TAF3: variants seen among roughly 807,000 people sequenced by gnomAD.
TAF3 encodes the protein transcription initiation factor TFIID subunit 3.
TAF3 carries 7 observed loss-of-function variants against 80.6 expected under a neutral mutation model. The ratio of observed to expected loss-of-function variants is 0.09; its 90% CI spans 0.05 to 0.16. The LOEUF (loss-of-function observed/expected upper bound fraction) is 0.16, where lower values mean the gene tolerates loss of function less well. TAF3 is among the 10% of genes least tolerant of loss of function. TAF3 has a pLI of 1.00. For synonymous variants in TAF3, 444 were observed against 446.1 expected, an observed-to-expected ratio of 1.00 and a Z score of 0.06; for missense variants, 921 against 1,140.2, an observed-to-expected ratio of 0.81 and a Z score of 2.77.
intron 4 of TAF3, among the ~76,000 whole-genome samples, chr10:8,006,185 C>T (rs1397484452): frequency 0.012 from 489 of 40,562 alleles, 3 homozygotes; most frequent in African/African-American, 0.03. Context: ...AAAATACACA[C>T]ACACACACAC....
chr10:8,014,573 A>T (rs1007930019), intron 6 of TAF3, 64 bp from the exon 7 acceptor site: 133 of 1,402,522 alleles, frequency 9.5e-5, no homozygotes, highest in Non-Finnish European at 1.2e-4. Context: ...ACTTTAAAAC[A>T]TGGAAGGGAG....
chr10:7,940,467 A>C (rs908839456), intron 2 of TAF3, among the ~76,000 whole-genome samples: 1 of 152,260 alleles, frequency 6.6e-6, no homozygotes, highest in Admixed American at 6.5e-5. Context: ...TGATAAGCTT[A>C]TAGTTTCCTA....
intron 4 of TAF3, among the ~76,000 whole-genome samples, chr10:7,987,255 A>G (rs114969674): frequency 6.6e-6 from 1 of 152,270 alleles, no homozygotes; most frequent in African/African-American, 2.4e-5. Context: ...AATCGAGGCT[A>G]CAGTGAGTCG....
intron 2 of TAF3, among the ~76,000 whole-genome samples, chr10:7,881,148 A>C (rs1313689184): frequency 6.6e-6 from 1 of 151,640 alleles, no homozygotes; most frequent in East Asian, 1.9e-4. Context: ...AGGCAGGAGG[A>C]TCACTTGAGT....
At chr10:7,861,915 C>T (rs886528029) in intron 2 of TAF3, among the ~76,000 whole-genome samples, 14 of 152,114 alleles carry the variant, frequency 9.2e-5, no homozygotes, top group Non-Finnish European at 1.3e-4. Flanking sequence ...CCTTCTGAGA[C>T]GCCAATTAAA....
intron 2 of TAF3, among the ~76,000 whole-genome samples, chr10:7,951,044 C>T (rs1838077391): frequency 6.6e-6 from 1 of 152,146 alleles, no homozygotes; most frequent in Admixed American, 6.5e-5. Context: ...TAAGCAGAAG[C>T]ACATGTAAAA....
intron 2 of TAF3, among the ~76,000 whole-genome samples, chr10:7,911,991 C>G (rs1284020100): frequency 6.6e-6 from 1 of 152,164 alleles, no homozygotes; most frequent in Admixed American, 6.5e-5. Flanking sequence ...GAGTCATATG[C>G]ACTTTCGGAT....
chr10:7,876,216 G>A (rs1445630872), intron 2 of TAF3, among the ~76,000 whole-genome samples: 3 of 152,012 alleles, frequency 2.0e-5, no homozygotes, highest in Non-Finnish European at 2.9e-5. Flanking sequence ...ATTTTAGTAA[G>A]AGAAAGACTG....
At chr10:7,874,886 T>G (rs1837300440) in intron 2 of TAF3, among the ~76,000 whole-genome samples, 1 of 152,172 alleles carries the variant, frequency 6.6e-6, no homozygotes, top group African/African-American at 2.4e-5. Flanking sequence ...GAGCTCGGGT[T>G]TTTTTCCTTC....
chr10:7,980,191 G>A (rs1413435455), intron 4 of TAF3, among the ~76,000 whole-genome samples: 1 of 152,022 alleles, frequency 6.6e-6, no homozygotes, highest in African/African-American at 2.4e-5. Flanking sequence ...GTCCAGGGGG[G>A]TATTTATTGC....
At chr10:7,975,485 A>T (rs571833520) in intron 3 of TAF3, among the ~76,000 whole-genome samples, 1 of 152,310 alleles carries the variant, frequency 6.6e-6, no homozygotes, top group Admixed American at 6.5e-5. Context: ...CTAGTATTGG[A>T]GGCATACATG....
chr10:7,912,364 C>T (rs1045214890), intron 2 of TAF3, among the ~76,000 whole-genome samples: 6 of 152,098 alleles, frequency 3.9e-5, no homozygotes, highest in Non-Finnish European at 7.4e-5. Flanking sequence ...CCCCGCAAAG[C>T]GCTGGAATTG....
At chr10:7,935,268 C>T (rs998676788) in intron 2 of TAF3, among the ~76,000 whole-genome samples, 7 of 141,236 alleles carry the variant, frequency 5.0e-5, no homozygotes, top group African/African-American at 1.5e-4. Context: ...CAGCAAAACT[C>T]TGTTTCTAAA....
intron 2 of TAF3, among the ~76,000 whole-genome samples, chr10:7,856,877 AAAAGC>A (rs1467040061): frequency 1.3e-5 from 2 of 151,918 alleles, no homozygotes; most frequent in Non-Finnish European, 2.9e-5. Flanking sequence ...AAAAAAAAAA[AAAAGC>A]AGAAAGAATG....
intron 3 of TAF3, among the ~76,000 whole-genome samples, chr10:7,968,664 C>G (rs1405241578): frequency 2.0e-5 from 3 of 152,162 alleles, no homozygotes; most frequent in African/African-American, 7.2e-5. Context: ...ATTATTATCA[C>G]TTTAAGATGA....
At chr10:7,859,317 A>G (rs1222386406) in intron 2 of TAF3, among the ~76,000 whole-genome samples, 1 of 143,284 alleles carries the variant, frequency 7.0e-6, no homozygotes, top group Non-Finnish European at 1.5e-5. Context: ...TAAATAAATA[A>G]AAGAGAAGTG....
At position 8,015,586 on chromosome 10, in the gene TAF3, T is replaced by C. The variant is rs1832096177; in HGVS notation, c.*835T>C. On this transcript the variant is annotated 3_prime_UTR_variant, in exon 7 of 7. Coordinates refer to ENST00000344293, the MANE Select transcript of TAF3 (RefSeq NM_031923.4). The stretch of plus-strand genomic sequence containing the variant: ...TATCGTGTTTAATTCTGGCTTTCTC[T>C]GAAATCCACTGTGATTTCAGCCAGG... 2.0e-5 allele frequency: 3 copies of C among 152,166 alleles called. No homozygotes were observed. Among genetic ancestry groups the C allele is most frequent in the African/African-American group, 7.2e-5 (3 of 41,450 alleles). 9.4% of individuals were successfully genotyped at this position (152,166 alleles called of 1,614,324 possible).
chr10:7,850,451 A>G (rs1394718921), intron 2 of TAF3, among the ~76,000 whole-genome samples: 1 of 152,156 alleles, frequency 6.6e-6, no homozygotes, highest in Non-Finnish European at 1.5e-5. Context: ...TGAGGTGGAC[A>G]GACCACTTGA....
At chr10:7,924,740 A>G (rs1462494765) in intron 2 of TAF3, among the ~76,000 whole-genome samples, 1 of 151,932 alleles carries the variant, frequency 6.6e-6, no homozygotes, top group Non-Finnish European at 1.5e-5. Context: ...CCCCAACAGA[A>G]CACTATCTGT....
Sources: allele counts gnomAD v4.1 joint callset (sites outside exome capture counted in the v4.1 genomes callset), GRCh38; gene constraint gnomAD v4.1.1; transcripts MANE v1.5; gene names NCBI Gene and HGNC (gene_info 2026-07-23, HGNC 2026-07-21).